Variants in C13orf46 observed in about 807,000 individuals in gnomAD.
The protein encoded by C13orf46 is chromosome 13 open reading frame 46.
At chr13:113,937,153 T>C in the C13orf46 span, among the ~76,000 whole-genome samples, 1 of 152,224 alleles carries the variant, frequency 6.6e-6, no homozygotes, top group African/African-American at 2.4e-5. Flanking sequence ...TGGGAGTTGG[T>C]TACCTCGGGT....
At chr13:113,973,549 C>T (rs9805815) in intron 1 of C13orf46, among the ~76,000 whole-genome samples, 1,745 of 152,286 alleles carry the variant, frequency 0.011, 26 homozygotes, top group African/African-American at 0.04. Context: ...TCAGGCTGTC[C>T]CTTTCCGGAC....
the C13orf46 span, among the ~76,000 whole-genome samples, chr13:113,935,085 GACGTT>G: frequency 6.6e-6 from 1 of 152,234 alleles, no homozygotes; most frequent in Admixed American, 6.5e-5. Flanking sequence ...TTTTGCTTCC[GACGTT>G]ACAAGCCACT....
the C13orf46 span, among the ~76,000 whole-genome samples, chr13:113,947,107 C>T: frequency 2.6e-5 from 4 of 152,324 alleles, no homozygotes; most frequent in South Asian, 2.1e-4. Flanking sequence ...TGAGGTGGAG[C>T]GGGAAGCCTG....
chr13:113,929,628 T>C, the C13orf46 span, among the ~76,000 whole-genome samples: 1 of 152,222 alleles, frequency 6.6e-6, no homozygotes, highest in African/African-American at 2.4e-5. Context: ...GGAGTGACCA[T>C]GGGTGAAGTC....
chr13:113,964,614 C>A (rs918755601), intron 6 of C13orf46, among the ~76,000 whole-genome samples: 3 of 152,346 alleles, frequency 2.0e-5, no homozygotes, highest in African/African-American at 7.2e-5. Flanking sequence ...TTCCTCCCTA[C>A]TCTCCCTCCT....
rs2052523127 is a variant in C13orf46 at position 113,955,684 on chromosome 13, CGAG to C, written c.*1086_*1088del. The C allele has an allele frequency of 4.1e-5, 1 of 24,390 alleles. No homozygotes were observed. The allele number at this position is 24,390 out of a possible 1,614,324, so 1.5% of individuals were successfully genotyped here. On this transcript the variant is annotated 3_prime_UTR_variant, in exon 7 of 7. Coordinates refer to ENST00000636427, the MANE Select transcript of C13orf46 (RefSeq NM_001365455.2). ...GACAAGGAGTAGTGTCTGGCAGAGACGAGGAGTAGTGTCTGGCGGAGAGGAGGA... is the reference window on the plus strand; with the variant it reads ...GACAAGGAGTAGTGTCTGGCAGAGACGAGTAGTGTCTGGCGGAGAGGAGGA...
At chr13:113,945,669 A>AAAGG in the C13orf46 span, among the ~76,000 whole-genome samples, 95 of 132,004 alleles carry the variant, frequency 7.2e-4, 4 homozygotes, top group East Asian at 5.5e-3. Flanking sequence ...AGAAAGAAAG[A>AAAGG]AAGGAAAGAA....
the C13orf46 span, chr13:113,926,561 A>G: frequency 6.6e-6 from 1 of 152,364 alleles, no homozygotes; most frequent in South Asian, 2.1e-4. Context: ...AAAACGGACA[A>G]ATCCATAGAG....
At chr13:113,932,992 G>A in the C13orf46 span, among the ~76,000 whole-genome samples, 1 of 152,108 alleles carries the variant, frequency 6.6e-6, no homozygotes, top group South Asian at 2.1e-4. Flanking sequence ...AGTCTCCTGA[G>A]TAGCTGGGAT....
rs1028223291 is a variant in C13orf46 at position 113,956,547 on chromosome 13, A to G, written c.*226T>C. On this transcript the variant is annotated 3_prime_UTR_variant, in exon 7 of 7. Transcript: ENST00000636427. ...TCATCGGCACCCCAGCGTTGCTCAG[A>G]GCTGGCGGGATCTTTAGCCCAAAGG... 0.61 allele frequency: 93,099 copies of G among 152,618 alleles called. 29,337 individuals carry two copies. Among genetic ancestry groups the G allele is most frequent in the Non-Finnish European group, 0.7 (47,904 of 68,432 alleles). 9.5% of individuals were successfully genotyped at this position (152,618 alleles called of 1,614,324 possible).
the C13orf46 span, among the ~76,000 whole-genome samples, chr13:113,941,815 C>A: frequency 1.3e-5 from 2 of 152,226 alleles, no homozygotes; most frequent in East Asian, 1.9e-4. Context: ...GCGCCCTGGA[C>A]GAGGTCTGCC....
At chr13:113,963,088 G>A (rs1457228014) in intron 6 of C13orf46, among the ~76,000 whole-genome samples, 3 of 152,208 alleles carry the variant, frequency 2.0e-5, no homozygotes, top group Non-Finnish European at 4.4e-5. Context: ...CAGACCAGTC[G>A]GGGGCCGAGG....
At chr13:113,957,864 T>TG (rs1161619550) in intron 6 of C13orf46, among the ~76,000 whole-genome samples, 25 of 132,324 alleles carry the variant, frequency 1.9e-4, no homozygotes, top group African/African-American at 5.8e-4. Flanking sequence ...TCAAGCGCAC[T>TG]GGGGGTCTCC....
downstream of C13orf46, among the ~76,000 whole-genome samples, chr13:113,950,855 T>C (rs1173125150): frequency 6.6e-6 from 1 of 152,146 alleles, no homozygotes; most frequent in Non-Finnish European, 1.5e-5. Flanking sequence ...CACCACAGCC[T>C]TCAGAACCAG....
rs1409860433 is a variant in C13orf46 at position 113,954,209 on chromosome 13, C to G, written c.*2564G>C. The G allele has an allele frequency of 2.6e-5, 4 of 152,380 alleles. No homozygotes were observed. Among genetic ancestry groups the G allele is most frequent in the African/African-American group, 9.6e-5 (4 of 41,582 alleles). The allele number at this position is 152,380 out of a possible 1,614,324, so 9.4% of individuals were successfully genotyped here. On this transcript the variant is annotated 3_prime_UTR_variant, in exon 7 of 7. Coordinates refer to ENST00000636427, the MANE Select transcript of C13orf46 (RefSeq NM_001365455.2). ...CCCCATGTGTCTCCACGGGAATAGACAGTGCACACAGCATCTCCGCCTGTG... is the reference window on the plus strand; with the variant it reads ...CCCCATGTGTCTCCACGGGAATAGAGAGTGCACACAGCATCTCCGCCTGTG...
At chr13:113,972,635 C>T (rs188615485) in intron 1 of C13orf46, among the ~76,000 whole-genome samples, 1 of 152,324 alleles carries the variant, frequency 6.6e-6, no homozygotes, top group Admixed American at 6.5e-5. Flanking sequence ...CACCTGGAAA[C>T]ATCTCAGAGT....
At chr13:113,967,743 C>A (rs2052664302) in intron 4 of C13orf46, among the ~76,000 whole-genome samples, 1 of 152,184 alleles carries the variant, frequency 6.6e-6, no homozygotes. Flanking sequence ...ATGCCCAGAT[C>A]TTGGGGAGCC....
chr13:113,942,890 G>A, the C13orf46 span, among the ~76,000 whole-genome samples: 122 of 152,344 alleles, frequency 8.0e-4, no homozygotes, highest in African/African-American at 2.7e-3. Flanking sequence ...AGTGCCCGCC[G>A]GAGGTGAGGT....
chr13:113,938,398 G>A, the C13orf46 span, among the ~76,000 whole-genome samples: 70 of 152,306 alleles, frequency 4.6e-4, 2 homozygotes, highest in African/African-American at 1.6e-3. Flanking sequence ...AGAAGCCACT[G>A]CTTTCTTTTC....
Sources: gnomAD v4.1 joint callset for allele counts (sites outside exome capture counted in the v4.1 genomes callset) on GRCh38, gnomAD v4.1.1 for gene constraint, MANE v1.5 for transcripts, NCBI Gene and HGNC (gene_info 2026-07-23, HGNC 2026-07-21) for gene names.